The following MTUS2 variants were observed in gnomAD, a reference collection of about 807,000 sequenced individuals.
MTUS2 encodes the protein microtubule associated scaffold protein 2.
In MTUS2, 40 loss-of-function variants were observed where a neutral mutation model predicts 114.1. The observed-to-expected ratio is 0.35, with a 90% CI of 0.27 to 0.46. The LOEUF (loss-of-function observed/expected upper bound fraction) is 0.46, where lower values mean the gene tolerates loss of function less well. Ranked by LOEUF, MTUS2 falls within the 20% of genes least tolerant of loss-of-function variation. MTUS2 has a pLI of 1.00. For synonymous variants in MTUS2, 688 were observed against 672.0 expected (o/e 1.02, Z -0.37); for missense variants, 1,679 against 1,705.4 (o/e 0.98, Z 0.27).
At chr13:29,038,413 G>T (rs987324228) in intron 4 of MTUS2, among the ~76,000 whole-genome samples, 4 of 152,228 alleles carry the variant, frequency 2.6e-5, no homozygotes, top group African/African-American at 9.6e-5. Flanking sequence ...TCCTCTGGAA[G>T]CTTTGTCCCA....
At position 29,120,051 on chromosome 13, in the gene MTUS2, A is replaced by C. The variant is rs140647000; in HGVS notation, c.2644+19081A>C. 2.6e-3 allele frequency among the ~76,000 whole-genome samples: 403 copies of C among 152,320 alleles called. 1 individual carries two copies. The highest frequency in any genetic ancestry group is 0.01 in the Middle Eastern group (3 of 294). On this transcript the variant is annotated intron_variant, in intron 5 of 15. Transcript: ENST00000612955. The stretch of plus-strand genomic sequence containing the variant: ...CCAATATCCAACAAACTTATGATAA[A>C]TTTTTTGCCATTACAATTGATATCA...
chr13:28,917,729 C>T (rs182406232), intron 2 of MTUS2, among the ~76,000 whole-genome samples: 146 of 151,610 alleles, frequency 9.6e-4, no homozygotes, highest in African/African-American at 2.8e-3. Context: ...TCATTTATTT[C>T]GCTTTAATCT....
intron 9 of MTUS2, among the ~76,000 whole-genome samples, chr13:29,468,742 C>A (rs747398338): frequency 3.3e-5 from 5 of 152,160 alleles, no homozygotes. Context: ...GCCTGCTTCA[C>A]CCATCTTTGC....
rs533991052 is a variant in MTUS2 at position 29,415,283 on chromosome 13, A to G, written c.3118-24700A>G. 7.2e-5 allele frequency among the ~76,000 whole-genome samples: 11 copies of G among 152,300 alleles called. No homozygotes were observed. In the South Asian group the frequency reaches 2.3e-3, roughly 32 times the overall value. ...TATCAAAGTATAAAGTTCAATATAT[A>G]GCTATAAGATTTACATAATGGATTA... On this transcript the variant is annotated intron_variant, in intron 8 of 15. Coordinates refer to ENST00000612955, the MANE Select transcript of MTUS2 (RefSeq NM_001033602.4).
At chr13:29,116,451 C>T (rs953371489) in intron 5 of MTUS2, among the ~76,000 whole-genome samples, 1 of 152,058 alleles carries the variant, frequency 6.6e-6, no homozygotes, top group Non-Finnish European at 1.5e-5. Flanking sequence ...TTATCCATTC[C>T]TAGGGATGAG....
chr13:29,492,585 A>G (rs889518531), intron 11 of MTUS2, 61 bp from the exon 12 acceptor site: 25 of 1,387,694 alleles, frequency 1.8e-5, no homozygotes, highest in Non-Finnish European at 2.4e-5. Flanking sequence ...CTGCCAAAAG[A>G]GCCTTGTTTT....
At chr13:29,102,679 A>G (rs1168291945) in intron 5 of MTUS2, among the ~76,000 whole-genome samples, 1 of 152,192 alleles carries the variant, frequency 6.6e-6, no homozygotes. Context: ...GCTACCTACT[A>G]TATATGTAAT....
intron 5 of MTUS2, among the ~76,000 whole-genome samples, chr13:29,103,744 A>G (rs1890532188): frequency 6.6e-6 from 1 of 152,242 alleles, no homozygotes; most frequent in Non-Finnish European, 1.5e-5. Flanking sequence ...TTATAATCTT[A>G]CAGGACCACT....
At chr13:28,878,122 T>C (rs574020841) in intron 2 of MTUS2, among the ~76,000 whole-genome samples, 1 of 152,220 alleles carries the variant, frequency 6.6e-6, no homozygotes, top group East Asian at 1.9e-4. Flanking sequence ...ATCAAACTTT[T>C]TGGTGACGTT....
At chr13:29,003,747 C>T (rs374903317) in intron 2 of MTUS2, among the ~76,000 whole-genome samples, 96 of 152,200 alleles carry the variant, frequency 6.3e-4, no homozygotes, top group Admixed American at 1.4e-3. Flanking sequence ...GGATGATACC[C>T]GGGTGATAGA....
chr13:29,212,603 C>T (rs1167362786), intron 5 of MTUS2, among the ~76,000 whole-genome samples: 1 of 149,648 alleles, frequency 6.7e-6, no homozygotes, highest in Non-Finnish European at 1.5e-5. Context: ...ACAATCTTCT[C>T]CTTAAGTAAT....
At chr13:28,925,608 G>C (rs527302448) in intron 2 of MTUS2, among the ~76,000 whole-genome samples, 25 of 152,232 alleles carry the variant, frequency 1.6e-4, no homozygotes, top group African/African-American at 5.5e-4. Flanking sequence ...CTACCTCATG[G>C]TTAAGGACCC....
chr13:28,887,709 A>G (rs1878673960), intron 2 of MTUS2, among the ~76,000 whole-genome samples: 1 of 152,206 alleles, frequency 6.6e-6, no homozygotes, highest in Admixed American at 6.5e-5. Context: ...GCAAAGGCCC[A>G]TATGGCTGCA....
chr13:29,475,529 C>A (rs564182801), intron 9 of MTUS2, among the ~76,000 whole-genome samples: 2 of 152,288 alleles, frequency 1.3e-5, no homozygotes, highest in African/African-American at 4.8e-5. Context: ...GTTACTGCCC[C>A]TGAAGACCTT....
At chr13:29,253,813 G>A (rs1566092821) in intron 5 of MTUS2, among the ~76,000 whole-genome samples, 1 of 150,514 alleles carries the variant, frequency 6.6e-6, no homozygotes, top group East Asian at 2.0e-4. Flanking sequence ...CACATCTTAC[G>A]TGGATGGCAG....
chr13:29,193,627 G>A (rs563968830), intron 5 of MTUS2, among the ~76,000 whole-genome samples: 17 of 152,160 alleles, frequency 1.1e-4, no homozygotes, highest in African/African-American at 2.2e-4. Context: ...TTGCATGCTC[G>A]TAGGTAGGAA....
rs1883112989 is a variant in MTUS2, at chr13:29,504,584, A to G, written c.*1378A>G. On this transcript the variant is annotated 3_prime_UTR_variant, in exon 16 of 16. Coordinates refer to ENST00000612955, the MANE Select transcript of MTUS2 (RefSeq NM_001033602.4). Reference sequence around the variant, plus strand: ...CCAGTGAAACAGCCAGCCAGGGGGCACCAGCTCCTGGACTGGCATCTGTCT... The same window carrying G: ...CCAGTGAAACAGCCAGCCAGGGGGCGCCAGCTCCTGGACTGGCATCTGTCT... 6 of 232,970 alleles carry G rather than the reference A, an allele frequency of 2.6e-5. No individual in the cohort carries two copies. 14.4% of individuals were successfully genotyped at this position (232,970 alleles called of 1,614,324 possible).
chr13:29,255,315 C>T (rs2078196954), intron 5 of MTUS2, among the ~76,000 whole-genome samples: 1 of 152,182 alleles, frequency 6.6e-6, no homozygotes. Context: ...GTGAGGATTT[C>T]CTCCTCTGTT....
intron 4 of MTUS2, among the ~76,000 whole-genome samples, chr13:29,079,981 T>G (rs559771050): frequency 6.6e-6 from 1 of 152,238 alleles, no homozygotes; most frequent in Admixed American, 6.5e-5. Flanking sequence ...TAGATCAATT[T>G]GGGGAGTATT....
Sources: gnomAD v4.1 joint callset for allele counts (sites outside exome capture counted in the v4.1 genomes callset) on GRCh38, gnomAD v4.1.1 for gene constraint, MANE v1.5 for transcripts, NCBI Gene and HGNC (gene_info 2026-07-23, HGNC 2026-07-21) for gene names.